Variants in PHTF2 observed in about 807,000 individuals in gnomAD.
PHTF2 encodes putative homeodomain transcription factor 2.
Under a neutral mutation model 101.2 loss-of-function variants are expected in PHTF2, and 60 were observed. That is an observed-to-expected ratio of 0.59 (90% CI 0.48 to 0.73). PHTF2 has a LOEUF of 0.73. PHTF2 is among the 30% of genes least tolerant of loss of function. The probability of loss-of-function intolerance (pLI) is 0.00; values close to 1 mark genes in which losing one functional copy is unlikely to be tolerated. For synonymous variants in PHTF2, 311 were observed against 307.3 expected, an observed-to-expected ratio of 1.01 and a Z score of -0.13; for missense variants, 747 against 908.7, an observed-to-expected ratio of 0.82 and a Z score of 2.29.
At chr7:77,879,130 G>C (rs1799191932) in intron 3 of PHTF2, among the ~76,000 whole-genome samples, 1 of 152,096 alleles carries the variant, frequency 6.6e-6, no homozygotes, top group African/African-American at 2.4e-5. Context: ...TACAGACATT[G>C]GTCCTTTCAG....
chr7:77,902,233 A>C (rs1801462912), intron 7 of PHTF2, among the ~76,000 whole-genome samples: 2 of 152,212 alleles, frequency 1.3e-5, no homozygotes. Context: ...TTAAAAATAC[A>C]ACCTATACAA....
intron 1 of PHTF2, among the ~76,000 whole-genome samples, chr7:77,833,885 C>T (rs1795248429): frequency 6.6e-6 from 1 of 151,534 alleles, no homozygotes; most frequent in African/African-American, 2.4e-5. Flanking sequence ...TGTTAAATTC[C>T]ATATATGTAA....
chr7:77,820,281 A>T (rs10953356), intron 1 of PHTF2, among the ~76,000 whole-genome samples: 1 of 152,014 alleles, frequency 6.6e-6, no homozygotes, highest in African/African-American at 2.4e-5. Flanking sequence ...GGTAGGTGTT[A>T]CGTGTCCAGG....
At chr7:77,854,373 T>C (rs1797000365) in intron 2 of PHTF2, among the ~76,000 whole-genome samples, 1 of 152,150 alleles carries the variant, frequency 6.6e-6, no homozygotes. Flanking sequence ...TGGCTACCAC[T>C]ACTAGGACTG....
At chr7:77,810,599 A>G (rs10953354) in intron 1 of PHTF2, among the ~76,000 whole-genome samples, 21,194 of 152,106 alleles carry the variant, frequency 0.14, 1,923 homozygotes, top group African/African-American at 0.25. Context: ...GTGCAGTGGC[A>G]CAATCTTGGC....
chr7:77,935,898 G>A (rs1368427452), intron 12 of PHTF2, among the ~76,000 whole-genome samples: 1 of 152,072 alleles, frequency 6.6e-6, no homozygotes, highest in Admixed American at 6.5e-5. Context: ...CTTAACAATT[G>A]TAAAATTTCT....
chr7:77,925,828 C>T (rs557300247), intron 11 of PHTF2, among the ~76,000 whole-genome samples: 109 of 152,004 alleles, frequency 7.2e-4, no homozygotes, highest in African/African-American at 2.5e-3. Context: ...GAGGCTGAGG[C>T]GGGCAGATCA....
At chr7:77,911,468 T>C (rs1802392796) in intron 9 of PHTF2, among the ~76,000 whole-genome samples, 1 of 152,158 alleles carries the variant, frequency 6.6e-6, no homozygotes, top group South Asian at 2.1e-4. Context: ...TATATACCTA[T>C]AATAAATGTG....
At chr7:77,912,489 T>C (rs1802488153) in intron 9 of PHTF2, among the ~76,000 whole-genome samples, 1 of 152,138 alleles carries the variant, frequency 6.6e-6, no homozygotes, top group Non-Finnish European at 1.5e-5. Flanking sequence ...CAACTAAGAC[T>C]TAACAAAATT....
At chr7:77,830,733 CA>C (rs1203768716) in intron 1 of PHTF2, among the ~76,000 whole-genome samples, 1 of 152,206 alleles carries the variant, frequency 6.6e-6, no homozygotes. Context: ...AGACCCATAT[CA>C]AAACCCTGTC....
intron 12 of PHTF2, among the ~76,000 whole-genome samples, chr7:77,935,467 C>T (rs565324976): frequency 3.3e-5 from 5 of 152,132 alleles, no homozygotes; most frequent in Non-Finnish European, 5.9e-5. Flanking sequence ...CCTCGTGATC[C>T]GCCCACCTCA....
chr7:77,910,434 A>G lies in PHTF2; in HGVS notation c.776+25A>G, dbSNP rs78991731. 3.8e-3 allele frequency: 6,038 copies of G among 1,572,708 alleles called. 179 individuals carry two copies. The African/African-American group carries it at 0.068, about 18-fold the overall frequency. ...GGTTTGTATTTATTTAAGGTTTTAT[A>G]TGGCATAGAGATGGCACTATCCTTT... On this transcript the variant is annotated intron_variant, in intron 9 of 19. Coordinates refer to ENST00000416283, the Ensembl canonical transcript of PHTF2.
At chr7:77,854,659 C>T in intron 2 of PHTF2, 1 of 689,646 alleles carries the variant, frequency 1.5e-6, no homozygotes, top group South Asian at 1.5e-5. Context: ...ATGCTGTATT[C>T]TGCTGCAGTT....
At chr7:77,841,500 T>C (rs1002572411) in intron 2 of PHTF2, among the ~76,000 whole-genome samples, 10 of 152,348 alleles carry the variant, frequency 6.6e-5, no homozygotes, top group African/African-American at 2.2e-4. Context: ...GATCTCACTC[T>C]GTTGCCCAGG....
intron 1 of PHTF2, among the ~76,000 whole-genome samples, chr7:77,833,437 G>A (rs1403424326): frequency 6.6e-6 from 1 of 152,110 alleles, no homozygotes; most frequent in Non-Finnish European, 1.5e-5. Flanking sequence ...AGAGTCTGAG[G>A]AGATTTATAA....
At chr7:77,842,953 G>A (rs943512942) in intron 2 of PHTF2, among the ~76,000 whole-genome samples, 2 of 152,174 alleles carry the variant, frequency 1.3e-5, no homozygotes, top group African/African-American at 4.8e-5. Context: ...AAGCAGGCAA[G>A]GGTCTAGATT....
chr7:77,947,858 G>C (rs1472514440), intron 16 of PHTF2, among the ~76,000 whole-genome samples: 2 of 10,444 alleles, frequency 1.9e-4, no homozygotes, highest in Non-Finnish European at 3.6e-4. Flanking sequence ...TTTTTTTTGA[G>C]ACAGAGTCTT....
At chr7:77,835,434 T>C (rs1277107056) in intron 1 of PHTF2, among the ~76,000 whole-genome samples, 1 of 152,198 alleles carries the variant, frequency 6.6e-6, no homozygotes, top group Non-Finnish European at 1.5e-5. Context: ...TTTCTGAGCC[T>C]AGTGAGAGTC....
chr7:77,891,344 T>C (rs1800385174), intron 3 of PHTF2, among the ~76,000 whole-genome samples: 1 of 152,218 alleles, frequency 6.6e-6, no homozygotes, highest in Non-Finnish European at 1.5e-5. Flanking sequence ...TTTCTGATTT[T>C]AAGGAAGATG....
Sources: allele counts gnomAD v4.1 joint callset (sites outside exome capture counted in the v4.1 genomes callset), GRCh38; gene constraint gnomAD v4.1.1; transcripts MANE v1.5; gene names NCBI Gene and HGNC (gene_info 2026-07-23, HGNC 2026-07-21).